SLC14A2: variants seen among roughly 807,000 people sequenced by gnomAD.
The protein encoded by SLC14A2 is solute carrier family 14 member 2, also known as urea transporter 2.
Under a neutral mutation model 104.6 loss-of-function variants are expected in SLC14A2, and 91 were observed. The ratio of observed to expected loss-of-function variants is 0.87; its 90% CI spans 0.73 to 1.04. The LOEUF (loss-of-function observed/expected upper bound fraction) is 1.04. Among genes scored for constraint, SLC14A2 ranks in the 50% least tolerant of loss-of-function variants. The pLI, the probability that SLC14A2 is intolerant of heterozygous loss-of-function variation, is 0.00. For synonymous variants in SLC14A2, 476 were observed against 466.4 expected (o/e 1.02, Z -0.27); for missense variants, 1,189 against 1,156.0 (o/e 1.03, Z -0.41).
intron 1 of SLC14A2, among the ~76,000 whole-genome samples, chr18:45,269,896 C>CT (rs547632327): frequency 2.0e-5 from 3 of 152,126 alleles, no homozygotes; most frequent in Non-Finnish European, 4.4e-5. Flanking sequence ...TTTTTGGTCT[C>CT]TTTTTTTCTA....
intron 1 of SLC14A2, among the ~76,000 whole-genome samples, chr18:45,263,179 T>C (rs1423093914): frequency 6.6e-6 from 1 of 152,220 alleles, no homozygotes; most frequent in African/African-American, 2.4e-5. Context: ...TCGTCTTTCA[T>C]GACCTTGATA....
the SLC14A2 span, among the ~76,000 whole-genome samples, chr18:45,171,033 C>T: frequency 3.3e-5 from 5 of 151,712 alleles, no homozygotes; most frequent in East Asian, 1.9e-4. Flanking sequence ...TGGAATGACT[C>T]AAACAGAGAT....
Position 45,672,935 on chromosome 18 carries a change from G to A in SLC14A2, c.2265G>A (p.Val755=). 5.6e-6 allele frequency: 9 copies of A among 1,614,122 alleles called. No individual in the cohort carries two copies. Among genetic ancestry groups the A allele is most frequent in the Non-Finnish European group, 7.6e-6 (9 of 1,179,976 alleles). Residue 755 remains valine, a synonymous_variant, in exon 17 of 20, where the codon GTG becomes GTA. Transcript: ENST00000255226. ...CCATCCCCGTTGGAATTGGCCAAGT[G>A]TACGGCTGTGATAACCCCTGGACTG... ...LRAIPVGIGQ[V]YGCDNPWTGG... is the part of the protein sequence containing the mutation.
In SLC14A2 at chr18:45,565,356, C is replaced by T. The variant is rs566091129; in HGVS notation, c.-34-59275C>T. Among the ~76,000 whole-genome samples the T allele has an allele frequency of 3.8e-4, 58 of 152,204 alleles. 1 individual carries two copies. The highest frequency in any genetic ancestry group is 7.1e-4 in the Non-Finnish European group (48 of 68,010). ...AGCCAGGATGGTCTTGATCTCCCGA[C>T]CTCATGATCCGCCCGCCTCGTGGGA... On this transcript the variant is annotated intron_variant, in intron 2 of 20. Coordinates refer to the SLC14A2 transcript ENST00000586448.
At chr18:45,523,659 C>G (rs35473251) in intron 2 of SLC14A2, among the ~76,000 whole-genome samples, 3 of 152,066 alleles carry the variant, frequency 2.0e-5, no homozygotes, top group South Asian at 4.2e-4. Flanking sequence ...TTTAACCCCA[C>G]GAAATCTCCC....
chr18:45,265,048 T>C (rs2084577875), intron 1 of SLC14A2, among the ~76,000 whole-genome samples: 1 of 152,106 alleles, frequency 6.6e-6, no homozygotes, highest in Non-Finnish European at 1.5e-5. Flanking sequence ...ACCCAGTGAG[T>C]GGGCCATGTC....
intron 1 of SLC14A2, among the ~76,000 whole-genome samples, chr18:45,222,777 C>G (rs1216424147): frequency 6.6e-6 from 1 of 152,198 alleles, no homozygotes; most frequent in Admixed American, 6.5e-5. Flanking sequence ...TTTAATACTT[C>G]TTATCCACTT....
intron 1 of SLC14A2, among the ~76,000 whole-genome samples, chr18:45,218,866 G>A (rs1432050691): frequency 3.3e-5 from 5 of 150,770 alleles, no homozygotes. Flanking sequence ...TGGTCCACAT[G>A]CACTAAATCT....
chr18:45,377,713 C>T (rs1180861920), intron 1 of SLC14A2, among the ~76,000 whole-genome samples: 2 of 152,184 alleles, frequency 1.3e-5, no homozygotes, highest in African/African-American at 4.8e-5. Context: ...CTCCCACTTC[C>T]AATCCATCCC....
chr18:45,551,553 C>T (rs1430238588), intron 2 of SLC14A2, among the ~76,000 whole-genome samples: 5 of 152,188 alleles, frequency 3.3e-5, no homozygotes, highest in Admixed American at 6.5e-5. Context: ...GGCTCTCTGG[C>T]ATGTCTTCCT....
chr18:45,668,318 C>G, intron 14 of SLC14A2, 31 bp from the exon 15 acceptor site: 3 of 1,612,668 alleles, frequency 1.9e-6, no homozygotes, highest in Non-Finnish European at 2.5e-6. Context: ...GGGGAAGCCC[C>G]TGCTCCACCT....
At chr18:45,565,215 C>T (rs191879585) in intron 2 of SLC14A2, among the ~76,000 whole-genome samples, 13 of 151,888 alleles carry the variant, frequency 8.6e-5, no homozygotes, top group East Asian at 1.9e-4. Flanking sequence ...AGCTCCGCCT[C>T]CCGGGTTCAC....
At chr18:45,217,307 C>A (rs2084019252) in intron 1 of SLC14A2, among the ~76,000 whole-genome samples, 1 of 145,712 alleles carries the variant, frequency 6.9e-6, no homozygotes, top group Non-Finnish European at 1.5e-5. Flanking sequence ...TATACATCAT[C>A]ATATATACAT....
chr18:45,535,411 C>T (rs2043765082), intron 2 of SLC14A2, among the ~76,000 whole-genome samples: 2 of 152,300 alleles, frequency 1.3e-5, no homozygotes, highest in African/African-American at 4.8e-5. Context: ...AATGAAGGTT[C>T]ACTGAGCTTC....
intron 1 of SLC14A2, among the ~76,000 whole-genome samples, chr18:45,441,941 A>C (rs1468390857): frequency 2.6e-5 from 4 of 152,178 alleles, no homozygotes; most frequent in Non-Finnish European, 2.9e-5. Context: ...AACATGAAAA[A>C]AGTAGACAAC....
rs1300247502 is a variant in SLC14A2 at position 45,553,946 on chromosome 18, A to G, written c.-35+70624A>G. ...CCCATCTGAGAAACAACAGAAAGGC[A>G]ATGGTGTATGCTGTGCTGCAAGATC... On this transcript the variant is annotated intron_variant, in intron 2 of 20. Coordinates refer to the SLC14A2 transcript ENST00000586448. Among the ~76,000 whole-genome samples the G allele has an allele frequency of 2.0e-5, 3 of 152,250 alleles. 1 individual carries two copies. The East Asian group carries it at 5.8e-4, about 29-fold the overall frequency.
intron 2 of SLC14A2, among the ~76,000 whole-genome samples, chr18:45,567,055 AGTGTGTGTGTGTGTGTGTGTGTGT>A (rs3058364): frequency 2.9e-5 from 4 of 139,812 alleles, no homozygotes; most frequent in Non-Finnish European, 6.2e-5. Context: ...ATGTGCACAT[AGTGTGTGTGTGTGTGTGTGTGTGT>A]GTGTGTGTGT....
intron 1 of SLC14A2, among the ~76,000 whole-genome samples, chr18:45,286,162 A>G (rs901583347): frequency 6.6e-6 from 1 of 152,120 alleles, no homozygotes; most frequent in Non-Finnish European, 1.5e-5. Flanking sequence ...GGTCTTCCAA[A>G]CTTCCTAGGA....
intron 12 of SLC14A2, 95 bp from the exon 13 acceptor site, chr18:45,666,840 C>T: frequency 9.9e-7 from 1 of 1,006,224 alleles, no homozygotes; most frequent in Non-Finnish European, 1.5e-6. Flanking sequence ...TACCAAATGA[C>T]AATCTTATTT....
Sources: gnomAD v4.1 joint callset for allele counts (sites outside exome capture counted in the v4.1 genomes callset) on GRCh38, gnomAD v4.1.1 for gene constraint, MANE v1.5 for transcripts, NCBI Gene and HGNC (gene_info 2026-07-23, HGNC 2026-07-21) for gene names.